TRIM9: variants seen among roughly 807,000 people sequenced by gnomAD.
TRIM9 encodes the protein E3 ubiquitin-protein ligase TRIM9.
In TRIM9, 26 loss-of-function variants were observed where a neutral mutation model predicts 78.3. The observed-to-expected ratio is 0.33, with a 90% CI of 0.24 to 0.46. The LOEUF (loss-of-function observed/expected upper bound fraction) is 0.46. Ranked by LOEUF, TRIM9 falls within the 20% of genes least tolerant of loss-of-function variation. The pLI is 1.00. For synonymous variants in TRIM9, 398 were observed against 416.5 expected, an observed-to-expected ratio of 0.96 and a Z score of 0.54; for missense variants, 787 against 1,036.4, an observed-to-expected ratio of 0.76 and a Z score of 3.30.
chr14:50,993,207 C>G (rs2053747393), intron 7 of TRIM9, among the ~76,000 whole-genome samples: 1 of 152,094 alleles, frequency 6.6e-6, no homozygotes, highest in African/African-American at 2.4e-5. Flanking sequence ...GGAAGGGCCT[C>G]TCTAGGTGAC....
chr14:51,006,504 C>T (rs114444674), intron 5 of TRIM9, among the ~76,000 whole-genome samples: 1 of 152,284 alleles, frequency 6.6e-6, no homozygotes, highest in African/African-American at 2.4e-5. Context: ...TTCTTTCCAT[C>T]GCAAGCATCT....
intron 1 of TRIM9, among the ~76,000 whole-genome samples, chr14:51,075,934 T>C (rs2062739353): frequency 1.3e-5 from 2 of 152,250 alleles, no homozygotes; most frequent in African/African-American, 4.8e-5. Flanking sequence ...AAATGTTTCA[T>C]TAAATACACT....
intron 3 of TRIM9, among the ~76,000 whole-genome samples, chr14:51,017,153 C>T (rs2057296944): frequency 6.6e-6 from 1 of 152,180 alleles, no homozygotes; most frequent in African/African-American, 2.4e-5. Flanking sequence ...AAACTTACAG[C>T]ATTTAACTTA....
rs1454855101 is a variant in TRIM9 at position 51,080,738 on chromosome 14, C to T, written c.822+13380G>A. 4.6e-5 allele frequency among the ~76,000 whole-genome samples: 7 copies of T among 152,204 alleles called. 1 individual carries two copies. In the East Asian group the frequency reaches 1.3e-3, roughly 29 times the overall value. ...TTTTTTGAATACTGCCATGGTAACC[C>T]TTAGGAGCCAAAGATGACAAGAACC... On this transcript the variant is annotated intron_variant, in intron 1 of 12. Coordinates refer to ENST00000684578, the MANE Select transcript of TRIM9 (RefSeq NM_001387360.1).
At chr14:51,082,417 A>G (rs2063387363) in intron 1 of TRIM9, among the ~76,000 whole-genome samples, 1 of 152,250 alleles carries the variant, frequency 6.6e-6, no homozygotes, top group Non-Finnish European at 1.5e-5. Flanking sequence ...GGATATTAGT[A>G]CAGGATAATT....
At chr14:51,023,593 T>C (rs2057962734) in intron 2 of TRIM9, among the ~76,000 whole-genome samples, 1 of 152,246 alleles carries the variant, frequency 6.6e-6, no homozygotes, top group African/African-American at 2.4e-5. Context: ...AAGTGAATTA[T>C]AGCTTCCCTG....
chr14:51,021,806 T>C (rs1423311156), intron 3 of TRIM9, among the ~76,000 whole-genome samples: 2 of 152,194 alleles, frequency 1.3e-5, no homozygotes, highest in Admixed American at 6.5e-5. Flanking sequence ...GGGTGATAGA[T>C]GGAATATCAG....
chr14:51,046,621 C>G (rs983785348), intron 1 of TRIM9, among the ~76,000 whole-genome samples: 1 of 152,146 alleles, frequency 6.6e-6, no homozygotes, highest in Non-Finnish European at 1.5e-5. Flanking sequence ...AAATTTCATT[C>G]TCAGAGAAAA....
At chr14:51,051,875 G>C (rs1199681420) in intron 1 of TRIM9, among the ~76,000 whole-genome samples, 1 of 152,074 alleles carries the variant, frequency 6.6e-6, no homozygotes, top group Admixed American at 6.6e-5. Context: ...GCTGAGGTGA[G>C]ATAATTGCTT....
intron 7 of TRIM9, among the ~76,000 whole-genome samples, chr14:50,988,742 T>C (rs1400648341): frequency 6.6e-6 from 1 of 152,186 alleles, no homozygotes; most frequent in Non-Finnish European, 1.5e-5. Context: ...TTCCAACTGA[T>C]CCCAGCTTAA....
chr14:51,030,675 G>A (rs950738171), intron 1 of TRIM9, among the ~76,000 whole-genome samples: 2 of 152,060 alleles, frequency 1.3e-5, no homozygotes, highest in African/African-American at 4.8e-5. Flanking sequence ...GAGTGTGTAA[G>A]TATGTAAGAA....
At chr14:50,986,205 G>A in intron 7 of TRIM9, 61 bp from the exon 8 acceptor site, 2 of 1,333,686 alleles carry the variant, frequency 1.5e-6, no homozygotes, top group East Asian at 2.8e-5. Flanking sequence ...CCCGTGCACG[G>A]TTCCCCAAGA....
At chr14:51,081,728 A>T (rs548408203) in intron 1 of TRIM9, among the ~76,000 whole-genome samples, 9 of 152,262 alleles carry the variant, frequency 5.9e-5, no homozygotes, top group Admixed American at 2.0e-4. Flanking sequence ...AATTCACTAG[A>T]ATGACTCACA....
rs1409784692 is a variant in TRIM9, at chr14:51,059,817, AAAC to A, written c.822+34298_822+34300del. Among the ~76,000 whole-genome samples the A allele has an allele frequency of 5.9e-5, 9 of 151,980 alleles. No individual in the cohort carries two copies. In the South Asian group the frequency reaches 1.2e-3, roughly 21 times the overall value. On this transcript the variant is annotated intron_variant, in intron 1 of 12. Coordinates refer to ENST00000684578, the MANE Select transcript of TRIM9 (RefSeq NM_001387360.1). ...TGTCTCAAAAAAAAAAAAACAAAAA[AAAC>A]ACAAAAAAACAAAAAAACTAAAACA...
At chr14:51,041,596 C>T (rs923704558) in intron 1 of TRIM9, among the ~76,000 whole-genome samples, 2 of 152,234 alleles carry the variant, frequency 1.3e-5, no homozygotes, top group South Asian at 4.1e-4. Flanking sequence ...AAAGATGAGA[C>T]TCCCAGGGCA....
intron 1 of TRIM9, among the ~76,000 whole-genome samples, chr14:51,053,544 CATTT>C (rs1341179193): frequency 7.5e-5 from 9 of 120,550 alleles, no homozygotes; most frequent in African/African-American, 1.6e-4. Context: ...GTTAACATTA[CATTT>C]ATTTATTTAT....
intron 1 of TRIM9, among the ~76,000 whole-genome samples, chr14:51,052,803 T>C (rs1195372373): frequency 6.6e-6 from 1 of 152,182 alleles, no homozygotes; most frequent in Non-Finnish European, 1.5e-5. Flanking sequence ...TTGGTAGGTC[T>C]CCTCACTTTA....
intron 7 of TRIM9, chr14:50,996,797 A>G (rs2054265501): frequency 1.0e-6 from 1 of 985,416 alleles, no homozygotes; most frequent in Non-Finnish European, 1.2e-6. Flanking sequence ...TGTACTCCAA[A>G]TGGGAACAGG....
At chr14:50,985,398 C>G (rs572032042) in intron 8 of TRIM9, among the ~76,000 whole-genome samples, 6 of 152,190 alleles carry the variant, frequency 3.9e-5, no homozygotes, top group Admixed American at 1.3e-4. Flanking sequence ...CAGGCTTTTG[C>G]AGAAAATGCT....
Sources: gnomAD v4.1 joint callset for allele counts (sites outside exome capture counted in the v4.1 genomes callset) on GRCh38, gnomAD v4.1.1 for gene constraint, MANE v1.5 for transcripts, NCBI Gene and HGNC (gene_info 2026-07-23, HGNC 2026-07-21) for gene names.